The following ROBO1 variants were observed in gnomAD, a reference collection of about 807,000 sequenced individuals.
ROBO1 encodes roundabout homolog 1.
A neutral mutation model predicts 195.9 loss-of-function variants in ROBO1; 149 were observed. That is an observed-to-expected ratio of 0.76 (90% CI 0.67 to 0.87). The LOEUF is 0.87. Ranked by LOEUF, ROBO1 falls within the 40% of genes least tolerant of loss-of-function variation. The pLI is 0.00. For synonymous variants in ROBO1, 816 were observed against 733.2 expected, an observed-to-expected ratio of 1.11 and a Z score of -1.82; for missense variants, 1,933 against 2,068.3, an observed-to-expected ratio of 0.93 and a Z score of 1.27.
rs562301389 is a variant in ROBO1 at position 78,912,145 on chromosome 3, A to T, written c.499+26456T>A. Among the ~76,000 whole-genome samples, 4 of 152,224 alleles carry T rather than the reference A, an allele frequency of 2.6e-5. No individual in the cohort carries two copies. In the South Asian group the frequency reaches 8.3e-4, roughly 32 times the overall value. ...AGCCTAAAGATAATATTGATTTTAC[A>T]GTTAAAAAACAGTTAAATTAAGCAG... On this transcript the variant is annotated intron_variant, in intron 4 of 30. Coordinates refer to ENST00000464233, the MANE Select transcript of ROBO1 (RefSeq NM_002941.4).
chr3:79,435,175 C>T (rs1165969867), intron 2 of ROBO1, among the ~76,000 whole-genome samples: 1 of 152,100 alleles, frequency 6.6e-6, no homozygotes. Flanking sequence ...AACAAACCTG[C>T]ACGTTGTGCA....
chr3:78,772,760 A>G (rs2083409656), intron 4 of ROBO1, among the ~76,000 whole-genome samples: 3 of 151,976 alleles, frequency 2.0e-5, no homozygotes, highest in Non-Finnish European at 1.5e-5. Flanking sequence ...TAGTATGGAG[A>G]AGGTTTGTAT....
intron 3 of ROBO1, among the ~76,000 whole-genome samples, chr3:79,118,596 G>T (rs1014244595): frequency 6.6e-6 from 1 of 152,038 alleles, no homozygotes; most frequent in South Asian, 2.1e-4. Context: ...TGGGCTGGGC[G>T]CGGTGGCTCA....
intron 26 of ROBO1, among the ~76,000 whole-genome samples, chr3:78,626,309 T>A (rs1238936664): frequency 6.6e-6 from 1 of 152,178 alleles, no homozygotes; most frequent in Non-Finnish European, 1.5e-5. Flanking sequence ...CTTTAAAATG[T>A]CTGACAATCC....
chr3:78,690,175 T>TA (rs1170927872), intron 8 of ROBO1, among the ~76,000 whole-genome samples: 9 of 150,004 alleles, frequency 6.0e-5, no homozygotes, highest in Non-Finnish European at 1.3e-4. Flanking sequence ...AAAGCCCCTT[T>TA]AAAAAAAAAG....
rs551290760 is a variant in ROBO1, at chr3:79,425,350, C to T, written c.88+164474G>A. On this transcript the variant is annotated intron_variant, in intron 2 of 30. Coordinates refer to ENST00000464233, the MANE Select transcript of ROBO1 (RefSeq NM_002941.4). ...AGCTAGAAAACTATTTTAAAAATAA[C>T]CGTAGTTCAGGTGACAATAAGAACA... Among the ~76,000 whole-genome samples, 3 of 152,128 alleles carry T rather than the reference C, an allele frequency of 2.0e-5. No individual in the cohort carries two copies. In the South Asian group the frequency reaches 6.2e-4, roughly 32 times the overall value.
intron 27 of ROBO1, among the ~76,000 whole-genome samples, chr3:78,617,259 T>A (rs1173229229): frequency 6.6e-6 from 1 of 152,136 alleles, no homozygotes; most frequent in Non-Finnish European, 1.5e-5. Context: ...ACACAAAAAA[T>A]TAGAGTATAC....
chr3:79,470,494 G>GCACATGTA (rs919543129), intron 2 of ROBO1, among the ~76,000 whole-genome samples: 1 of 152,046 alleles, frequency 6.6e-6, no homozygotes, highest in African/African-American at 2.4e-5. Flanking sequence ...CACCAACAAG[G>GCACATGTA]CACATGTATA....
chr3:79,345,380 C>G (rs537591820), intron 2 of ROBO1, among the ~76,000 whole-genome samples: 1 of 152,210 alleles, frequency 6.6e-6, no homozygotes, highest in African/African-American at 2.4e-5. Context: ...GCAATTGACA[C>G]GTGACTCAGT....
At chr3:79,679,787 A>C (rs2106961814) in intron 1 of ROBO1, among the ~76,000 whole-genome samples, 1 of 152,100 alleles carries the variant, frequency 6.6e-6, no homozygotes, top group South Asian at 2.1e-4. Context: ...GAAAAAAAGA[A>C]AGAATCAGGA....
At chr3:79,577,760 A>AC (rs1560010007) in intron 2 of ROBO1, among the ~76,000 whole-genome samples, 6 of 148,434 alleles carry the variant, frequency 4.0e-5, no homozygotes, top group South Asian at 2.1e-4. Context: ...ACACACACAC[A>AC]AAATTGCTGG....
intron 2 of ROBO1, among the ~76,000 whole-genome samples, chr3:79,493,997 ACAAAATTC>A (rs1298727024): frequency 1.3e-5 from 2 of 152,206 alleles, no homozygotes; most frequent in Non-Finnish European, 2.9e-5. Flanking sequence ...GGCAGAAATC[ACAAAATTC>A]CTAGTTCTGT....
intron 2 of ROBO1, among the ~76,000 whole-genome samples, chr3:79,204,106 C>T (rs1245005671): frequency 6.6e-6 from 1 of 152,030 alleles, no homozygotes; most frequent in Non-Finnish European, 1.5e-5. Flanking sequence ...GATAGTTGTA[C>T]ATATTTTTGA....
intron 1 of ROBO1, among the ~76,000 whole-genome samples, chr3:79,670,549 C>T (rs1946603494): frequency 6.6e-6 from 1 of 151,854 alleles, no homozygotes; most frequent in South Asian, 2.1e-4. Context: ...TTATAGACTA[C>T]ACCATAGAAA....
At position 79,147,894 on chromosome 3, in the gene ROBO1, T is replaced by G. The variant is rs190177826; in HGVS notation, c.89-22355A>C. Among the ~76,000 whole-genome samples the G allele has an allele frequency of 2.8e-3, 420 of 152,020 alleles. 3 individuals carry two copies. Among genetic ancestry groups the G allele is most frequent in the African/African-American group, 7.5e-3 (313 of 41,508 alleles). ...AACCAGATTTTAATTCTCAGATTTT[T>G]TTGTTGTTGTTGTTGTAACTTTAGG... is the stretch of plus-strand genomic sequence containing the variant. On this transcript the variant is annotated intron_variant, in intron 2 of 30. Coordinates refer to ENST00000464233, the MANE Select transcript of ROBO1 (RefSeq NM_002941.4).
At chr3:78,896,836 G>A (rs1236015186) in intron 4 of ROBO1, among the ~76,000 whole-genome samples, 1 of 152,064 alleles carries the variant, frequency 6.6e-6, no homozygotes, top group Non-Finnish European at 1.5e-5. Context: ...AAAAAGGTGG[G>A]GGTAGGGTGG....
intron 2 of ROBO1, among the ~76,000 whole-genome samples, chr3:79,395,321 C>CAAAAA (rs71631647): frequency 2.2e-4 from 11 of 50,070 alleles, no homozygotes; most frequent in African/African-American, 5.1e-4. Flanking sequence ...GACTCCGTCT[C>CAAAAA]AAAAAAAAAA....
intron 4 of ROBO1, among the ~76,000 whole-genome samples, chr3:78,819,597 A>G (rs1576229595): frequency 6.6e-6 from 1 of 152,194 alleles, no homozygotes; most frequent in Non-Finnish European, 1.5e-5. Context: ...TCTGAAATCA[A>G]GTTTTATGTC....
At chr3:78,642,962 A>AT (rs368256285) in intron 21 of ROBO1, among the ~76,000 whole-genome samples, 2,295 of 149,936 alleles carry the variant, frequency 0.015, 44 homozygotes, top group African/African-American at 0.048. Flanking sequence ...TGGCTCATTC[A>AT]TTTTTTTTTT....
Sources: allele counts gnomAD v4.1 joint callset (sites outside exome capture counted in the v4.1 genomes callset), GRCh38; gene constraint gnomAD v4.1.1; transcripts MANE v1.5; gene names NCBI Gene and HGNC (gene_info 2026-07-23, HGNC 2026-07-21).